The following BCAS3 variants were observed in gnomAD, a reference collection of about 807,000 sequenced individuals.
BCAS3 encodes the protein BCAS4/BCAS3 fusion.
In BCAS3, 53 loss-of-function variants were observed where a neutral mutation model predicts 116.1. The ratio of observed to expected loss-of-function variants is 0.46; its 90% CI spans 0.37 to 0.57. BCAS3 has a LOEUF of 0.57. BCAS3 is among the 20% of genes least tolerant of loss of function. The pLI, the probability that BCAS3 is intolerant of heterozygous loss-of-function variation, is 0.00. For missense variants in BCAS3, 917 were observed against 1,165.4 expected (o/e 0.79, Z 3.10); for synonymous variants, 391 against 408.2 (o/e 0.96, Z 0.51).
At chr17:60,860,432 G>C (rs2054058022) in intron 7 of BCAS3, among the ~76,000 whole-genome samples, 1 of 152,108 alleles carries the variant, frequency 6.6e-6, no homozygotes, top group African/African-American at 2.4e-5. Context: ...TCCTTCTGCA[G>C]GTTGTTTGCT....
intron 6 of BCAS3, among the ~76,000 whole-genome samples, chr17:60,804,702 T>C (rs1229319724): frequency 6.6e-6 from 1 of 152,200 alleles, no homozygotes; most frequent in African/African-American, 2.4e-5. Flanking sequence ...TAATCTTATA[T>C]ACAAGTTATT....
intron 19 of BCAS3, among the ~76,000 whole-genome samples, chr17:61,049,422 G>A (rs569329520): frequency 6.6e-6 from 1 of 152,034 alleles, no homozygotes; most frequent in South Asian, 2.1e-4. Flanking sequence ...CTTAAAAAGA[G>A]TATCACTGAA....
At chr17:60,863,934 G>A (rs1429315862) in intron 7 of BCAS3, among the ~76,000 whole-genome samples, 1 of 152,148 alleles carries the variant, frequency 6.6e-6, no homozygotes, top group African/African-American at 2.4e-5. Flanking sequence ...CCCTTACGGG[G>A]CTCTTTCCTG....
At chr17:61,096,658 G>A (rs1273140778) in intron 22 of BCAS3, among the ~76,000 whole-genome samples, 5 of 152,166 alleles carry the variant, frequency 3.3e-5, no homozygotes, top group Non-Finnish European at 7.3e-5. Context: ...CATGTCATCT[G>A]CAAATAAAGA....
Position 61,205,083 on chromosome 17 carries a change from G to A in BCAS3, c.2425+120519G>A, listed in dbSNP as rs541482705. ...AAATTTAGGGAGGCCGATTCCATCT[G>A]CAATCAAAAGCTAACTTTTGGTCCA... On this transcript the variant is annotated intron_variant, in intron 22 of 23. Transcript: ENST00000407086. This position sits in a 1 kb window ranked among gnomAD's most constrained non-coding sequence, Gnocchi z 5.2. Among the ~76,000 whole-genome samples the A allele has an allele frequency of 2.4e-4, 37 of 151,962 alleles. No individual in the cohort carries two copies. Among genetic ancestry groups the A allele is most frequent in the Non-Finnish European group, 3.2e-4 (22 of 67,976 alleles).
intron 16 of BCAS3, among the ~76,000 whole-genome samples, chr17:61,018,599 G>C (rs1256913626): frequency 6.6e-6 from 1 of 152,008 alleles, no homozygotes; most frequent in Non-Finnish European, 1.5e-5. Flanking sequence ...ACCACGCCCG[G>C]CCCCAAATGT....
chr17:60,682,981 T>C (rs2033416301), intron 2 of BCAS3, among the ~76,000 whole-genome samples: 1 of 152,202 alleles, frequency 6.6e-6, no homozygotes, highest in Non-Finnish European at 1.5e-5. Context: ...CTTGCTATGT[T>C]GCCTAGTCTG....
Position 61,105,149 on chromosome 17 carries a change from C to T in BCAS3, c.2425+20585C>T, listed in dbSNP as rs1274561982. On this transcript the variant is annotated intron_variant, in intron 22 of 23. Transcript: ENST00000407086. This position sits in a 1 kb window ranked among gnomAD's most constrained non-coding sequence, Gnocchi z 4.3. ...TTGGGTGCTATTTAAATATTCTCTA[C>T]TTACATTTATTGAAAACTACCCTGC... 6.6e-6 allele frequency among the ~76,000 whole-genome samples: 1 copy of T among 152,172 alleles called. No homozygotes were observed. Among genetic ancestry groups the T allele is most frequent in the Non-Finnish European group, 1.5e-5 (1 of 68,038 alleles).
chr17:61,310,437 C>T (rs912110572), intron 22 of BCAS3, among the ~76,000 whole-genome samples: 2 of 152,050 alleles, frequency 1.3e-5, no homozygotes, highest in Non-Finnish European at 2.9e-5. Flanking sequence ...GCCTGTAATC[C>T]CAGTTACCTG....
At chr17:61,187,463 T>A (rs1434194705) in intron 22 of BCAS3, among the ~76,000 whole-genome samples, 1 of 152,192 alleles carries the variant, frequency 6.6e-6, no homozygotes, top group Non-Finnish European at 1.5e-5. Flanking sequence ...TAGTTTATAG[T>A]CTATACTTAA....
chr17:61,282,984 CTG>C lies in BCAS3; in HGVS notation c.2426-85340_2426-85339del, dbSNP rs1377637033. ...TATTTTTATATATAAATTTTTTTCA[CTG>C]TGATTTTCCCCCTTTAAAAATAAAT... On this transcript the variant is annotated intron_variant, in intron 22 of 23. Transcript: ENST00000407086. This position sits in a 1 kb window ranked among gnomAD's most constrained non-coding sequence, Gnocchi z 5.9. 6.6e-5 allele frequency among the ~76,000 whole-genome samples: 10 copies of C among 150,538 alleles called. No individual in the cohort carries two copies. The highest frequency in any genetic ancestry group is 4.6e-4 in the Admixed American group (7 of 15,078).
chr17:61,163,229 C>A (rs2078267217), intron 22 of BCAS3, among the ~76,000 whole-genome samples: 1 of 151,924 alleles, frequency 6.6e-6, no homozygotes, highest in South Asian at 2.1e-4. Flanking sequence ...TCAAGACCAT[C>A]CTGGCTAACA....
intron 8 of BCAS3, among the ~76,000 whole-genome samples, chr17:60,870,861 A>C (rs2144897484): frequency 6.6e-6 from 1 of 152,358 alleles, no homozygotes; most frequent in East Asian, 1.9e-4. Flanking sequence ...AACTCTAACC[A>C]TGAAAGATAA....
At chr17:60,707,791 G>A (rs991126909) in intron 4 of BCAS3, among the ~76,000 whole-genome samples, 4 of 151,112 alleles carry the variant, frequency 2.6e-5, no homozygotes, top group African/African-American at 9.9e-5. Context: ...TGTTAATGTT[G>A]GCAAATGATA....
chr17:61,235,704 A>AG lies in BCAS3; in HGVS notation c.2426-132623_2426-132622insG, dbSNP rs1013070706. On this transcript the variant is annotated intron_variant, in intron 22 of 23. Transcript: ENST00000407086. This position sits in a 1 kb window ranked among gnomAD's most constrained non-coding sequence, Gnocchi z 5.0. The stretch of plus-strand genomic sequence containing the variant: ...AAAGAAGACTTTTGAATTGTTTAAA[A>AG]AAAAAAAAAAGGAGAAGAAGGAGAA... Among the ~76,000 whole-genome samples, 9 of 151,800 alleles carry AG rather than the reference A, an allele frequency of 5.9e-5. No homozygotes were observed. The South Asian group carries it at 1.7e-3, about 28-fold the overall frequency.
chr17:60,969,060 G>A (rs1235411499), intron 14 of BCAS3, among the ~76,000 whole-genome samples: 1 of 151,994 alleles, frequency 6.6e-6, no homozygotes, highest in African/African-American at 2.4e-5. Flanking sequence ...TTACAGATCT[G>A]GAAGTCTGAA....
chr17:60,983,614 A>G (rs1398550612), intron 14 of BCAS3, among the ~76,000 whole-genome samples: 1 of 152,154 alleles, frequency 6.6e-6, no homozygotes, highest in African/African-American at 2.4e-5. Flanking sequence ...TCCTGCCTTG[A>G]TACTGTTACT....
At chr17:60,871,257 C>G (rs1321312538) in intron 8 of BCAS3, among the ~76,000 whole-genome samples, 1 of 152,174 alleles carries the variant, frequency 6.6e-6, no homozygotes, top group Non-Finnish European at 1.5e-5. Context: ...CTTAAACTCC[C>G]AAGCTGAAGC....
intron 22 of BCAS3, among the ~76,000 whole-genome samples, chr17:61,266,737 C>G (rs1267862022): frequency 6.6e-6 from 1 of 152,262 alleles, no homozygotes; most frequent in African/African-American, 2.4e-5. Flanking sequence ...GTTATGGAGT[C>G]CATCCCATTT....
Sources: allele counts gnomAD v4.1 joint callset (sites outside exome capture counted in the v4.1 genomes callset), GRCh38; gene constraint gnomAD v4.1.1; non-coding constraint Gnocchi (gnomAD v3.1); transcripts MANE v1.5; gene names NCBI Gene and HGNC (gene_info 2026-07-23, HGNC 2026-07-21).